Variants in UGT2A2 observed in about 807,000 individuals in gnomAD.
UGT2A2 encodes the protein UDP-glucuronosyltransferase 2A2.
Under a neutral mutation model 50.7 loss-of-function variants are expected in UGT2A2, and 60 were observed. The observed-to-expected ratio is 1.18, with a 90% CI of 0.96 to 1.47. UGT2A2 has a LOEUF of 1.47. UGT2A2 is among the 40% of genes most tolerant of loss of function. The pLI is 0.00. For synonymous variants in UGT2A2, 242 were observed against 214.6 expected, an observed-to-expected ratio of 1.13 and a Z score of -1.11; for missense variants, 762 against 634.0, an observed-to-expected ratio of 1.20 and a Z score of -2.17.
In UGT2A2 at chr4:69,589,066, T is replaced by G. The variant is rs901440016; in HGVS notation, c.*306A>C. On this transcript the variant is annotated 3_prime_UTR_variant, in exon 6 of 6. Coordinates refer to ENST00000604629, the MANE Select transcript of UGT2A2 (RefSeq NM_001105677.2). ...TAATTAAGGTTAACGATAAAATAAT[T>G]TGATACTATGAATAGAACATATTTA... The G allele has an allele frequency of 4.9e-6, 1 of 206,086 alleles. No homozygotes were observed. The highest frequency in any genetic ancestry group is 2.3e-5 in the African/African-American group (1 of 42,978). The allele number at this position is 206,086 out of a possible 1,614,324, so 12.8% of individuals were successfully genotyped here.
At position 69,605,052 on chromosome 4, in the gene UGT2A2, A is replaced by G. The variant is rs193043564; in HGVS notation, c.743-5658T>C. On this transcript the variant is annotated intron_variant, in intron 1 of 5. Coordinates refer to ENST00000604629, the MANE Select transcript of UGT2A2 (RefSeq NM_001105677.2). ...ACAAGTATATCCAGGAATTGAACTC[A>G]GCTCTGCACCAAGTAGACCTAATAC... is the stretch of plus-strand genomic sequence containing the variant. Among the ~76,000 whole-genome samples the G allele has an allele frequency of 1.2e-4, 16 of 136,984 alleles. 1 individual carries two copies. The East Asian group carries it at 2.9e-3, about 25-fold the overall frequency. 89.9% of individuals were successfully genotyped at this position (136,984 alleles called of 152,430 possible).
At chr4:69,600,332 C>A (rs1251696729) in intron 1 of UGT2A2, among the ~76,000 whole-genome samples, 3 of 152,178 alleles carry the variant, frequency 2.0e-5, no homozygotes, top group African/African-American at 7.2e-5. Flanking sequence ...AGAGAAAAGT[C>A]ACTCCTAATC....
Position 69,639,082 on chromosome 4 carries a change from T to C in UGT2A2, c.559A>G (p.Thr187Ala). ...ATTTTCCCACAGTGTCTCTCCACTG[T>C]TGATGCTGGAGAGAACCTCAATGTG... is the stretch of plus-strand genomic sequence containing the variant. ...MYTLRFSPAS[T>A]VERHCGKIPA... The change falls in exon 1 of 6, where the codon ACA becomes GCA. Residue 187 changes from threonine to alanine, a missense_variant. Thr to Ala is a moderately conservative substitution (Grantham distance 58). Coordinates refer to ENST00000604629, the MANE Select transcript of UGT2A2 (RefSeq NM_001105677.2). The C allele has an allele frequency of 6.2e-7, 1 of 1,613,470 alleles. No homozygotes were observed. The highest frequency in any genetic ancestry group is 1.7e-5 in the Admixed American group (1 of 59,912).
intron 5 of UGT2A2, among the ~76,000 whole-genome samples, chr4:69,592,605 C>T (rs560959512): frequency 1.3e-5 from 2 of 152,012 alleles, no homozygotes; most frequent in South Asian, 4.1e-4. Context: ...AAGCAATGCT[C>T]ATGGTAAAAA....
intron 1 of UGT2A2, among the ~76,000 whole-genome samples, chr4:69,620,167 C>T (rs922443575): frequency 6.6e-6 from 1 of 151,844 alleles, no homozygotes; most frequent in African/African-American, 2.4e-5. Flanking sequence ...AAAAGGCATC[C>T]AAATAGGAAG....
intron 2 of UGT2A2, among the ~76,000 whole-genome samples, chr4:69,596,975 C>G (rs997847196): frequency 2.6e-4 from 40 of 152,302 alleles, no homozygotes; most frequent in Middle Eastern, 3.4e-3. Context: ...ATTGTTACCC[C>G]CAAGGCTTAA....
At chr4:69,601,686 G>A (rs1194006269) in intron 1 of UGT2A2, among the ~76,000 whole-genome samples, 1 of 151,944 alleles carries the variant, frequency 6.6e-6, no homozygotes, top group African/African-American at 2.4e-5. Flanking sequence ...AATAACCAAG[G>A]AATCTCACAA....
chr4:69,595,101 A>G, intron 4 of UGT2A2, 61 bp downstream of exon 4: 1 of 1,581,104 alleles, frequency 6.3e-7, no homozygotes, highest in Non-Finnish European at 8.7e-7. Context: ...ATTTGCTATT[A>G]AACAGTTACT....
At position 69,594,828 on chromosome 4, in the gene UGT2A2, A is replaced by G. The variant is rs190717534; in HGVS notation, c.1112-132T>C. 4.7e-5 allele frequency: 54 copies of G among 1,154,930 alleles called. No homozygotes were observed. In the African/African-American group the frequency reaches 8.0e-4, roughly 17 times the overall value. The allele number at this position is 1,154,930 out of a possible 1,614,324, so 71.5% of individuals were successfully genotyped here. On this transcript the variant is annotated intron_variant, in intron 4 of 5. Transcript: ENST00000604629. ...TACGTTTTCTACAAAAGCAGATCAC[A>G]TAGGGCATTGGAATGTCAGAAAACT...
At chr4:69,621,451 T>A (rs1720750610) in intron 1 of UGT2A2, among the ~76,000 whole-genome samples, 1 of 152,018 alleles carries the variant, frequency 6.6e-6, no homozygotes, top group Non-Finnish European at 1.5e-5. Flanking sequence ...CACAGTGAGA[T>A]ACCATTTTAT....
At chr4:69,624,966 G>A (rs1046769085) in intron 1 of UGT2A2, among the ~76,000 whole-genome samples, 4 of 150,822 alleles carry the variant, frequency 2.7e-5, no homozygotes, top group African/African-American at 9.7e-5. Flanking sequence ...AGAAGTGGTG[G>A]TCTATAGAAG....
intron 1 of UGT2A2, among the ~76,000 whole-genome samples, chr4:69,609,005 TAA>T (rs1719858860): frequency 6.6e-6 from 1 of 152,026 alleles, no homozygotes; most frequent in African/African-American, 2.4e-5. Flanking sequence ...AGAAAAATTA[TAA>T]AGAGTATGAT....
chr4:69,625,715 A>G (rs1721017709), intron 1 of UGT2A2, among the ~76,000 whole-genome samples: 1 of 151,502 alleles, frequency 6.6e-6, no homozygotes, highest in African/African-American at 2.4e-5. Flanking sequence ...TAAATTTAAA[A>G]TTTACATACA....
rs1718388045 is a variant in UGT2A2 at position 69,588,596 on chromosome 4, AT to A, written c.*775del. On this transcript the variant is annotated 3_prime_UTR_variant, in exon 6 of 6. Coordinates refer to ENST00000604629, the MANE Select transcript of UGT2A2 (RefSeq NM_001105677.2). ...ATGATAATTATTTTCTAGATTTCTA[AT>A]TGTTATATCCTCTAAATATGATCTG... The A allele has an allele frequency of 1.3e-5, 2 of 152,038 alleles. No homozygotes were observed. Among genetic ancestry groups the A allele is most frequent in the African/African-American group, 4.8e-5 (2 of 41,432 alleles). 9.4% of individuals were successfully genotyped at this position (152,038 alleles called of 1,614,324 possible).
chr4:69,638,970 G>A lies in UGT2A2; in HGVS notation c.671C>T (p.Ser224Phe). The A allele has an allele frequency of 6.2e-7, 1 of 1,613,006 alleles. No individual in the cohort carries two copies. The highest frequency in any genetic ancestry group is 8.5e-7 in the Non-Finnish European group (1 of 1,179,432). ...TFGERIKNTI[S>F]YSLQDYIFQS... ...AAATATATAGTCTTGCAGAGAATAA[G>A]ATATGGTATTTTTAATCCTTTCACC... Residue 224 changes from serine (S) to phenylalanine (F), a missense_variant, in exon 1 of 6, where the codon TCT (serine) becomes TTT (phenylalanine). Ser to Phe is a radical substitution (Grantham distance 155, BLOSUM62 -2). Transcript: ENST00000604629.
At chr4:69,603,226 G>C (rs1430161359) in intron 1 of UGT2A2, among the ~76,000 whole-genome samples, 1 of 136,000 alleles carries the variant, frequency 7.4e-6, no homozygotes, top group Non-Finnish European at 1.6e-5. Context: ...TCCAGATGAA[G>C]AGATACAAGA....
chr4:69,607,969 G>A (rs1455419072), intron 1 of UGT2A2, among the ~76,000 whole-genome samples: 1 of 152,204 alleles, frequency 6.6e-6, no homozygotes, highest in African/African-American at 2.4e-5. Context: ...TACACTGTTG[G>A]TGGGACTGTA....
At chr4:69,605,744 A>G (rs1719568905) in intron 1 of UGT2A2, among the ~76,000 whole-genome samples, 1 of 137,086 alleles carries the variant, frequency 7.3e-6, no homozygotes, top group Admixed American at 7.2e-5. Context: ...AGGGGATATC[A>G]CCACCGATCC....
intron 1 of UGT2A2, among the ~76,000 whole-genome samples, chr4:69,612,735 G>A (rs1370308632): frequency 6.6e-6 from 1 of 151,828 alleles, no homozygotes; most frequent in Non-Finnish European, 1.5e-5. Flanking sequence ...AATGGAATGT[G>A]GATCAAAGAT....
Sources: gnomAD v4.1 joint callset for allele counts (sites outside exome capture counted in the v4.1 genomes callset) on GRCh38, gnomAD v4.1.1 for gene constraint, MANE v1.5 for transcripts, NCBI Gene and HGNC (gene_info 2026-07-23, HGNC 2026-07-21) for gene names.